The following DPYD variants were observed in gnomAD, a reference collection of about 807,000 sequenced individuals.
The protein encoded by DPYD is dihydropyrimidine dehydrogenase.
Under a neutral mutation model 116.2 loss-of-function variants are expected in DPYD, and 109 were observed. That is an observed-to-expected ratio of 0.94 (90% CI 0.80 to 1.10). The LOEUF is 1.10. Ranked by LOEUF, DPYD falls within the 50% of genes least tolerant of loss-of-function variation. The pLI, the probability that DPYD is intolerant of heterozygous loss-of-function variation, is 0.00. For synonymous variants in DPYD, 440 were observed against 432.0 expected, an observed-to-expected ratio of 1.02 and a Z score of -0.23; for missense variants, 1,302 against 1,254.5, an observed-to-expected ratio of 1.04 and a Z score of -0.57.
chr1:97,229,827 T>A (rs1361223036), intron 19 of DPYD, among the ~76,000 whole-genome samples: 1 of 152,040 alleles, frequency 6.6e-6, no homozygotes, highest in Non-Finnish European at 1.5e-5. Context: ...TTTAACAAAA[T>A]CATTTGGGAA....
intron 20 of DPYD, among the ~76,000 whole-genome samples, chr1:97,099,464 C>T (rs1362766845): frequency 2.0e-5 from 3 of 152,050 alleles, no homozygotes; most frequent in Admixed American, 1.3e-4. Flanking sequence ...CATTCATTAT[C>T]CCACAATTAT....
At chr1:97,521,266 A>G (rs1159691464) in intron 12 of DPYD, among the ~76,000 whole-genome samples, 1 of 152,182 alleles carries the variant, frequency 6.6e-6, no homozygotes, top group East Asian at 1.9e-4. Context: ...TGGCTGCACA[A>G]ATGTCTTCAA....
chr1:97,441,403 C>CGT (rs1319951269), intron 14 of DPYD, among the ~76,000 whole-genome samples: 2 of 151,692 alleles, frequency 1.3e-5, no homozygotes, highest in South Asian at 2.1e-4. Context: ...TCTCTGTTTG[C>CGT]GTGTGTGTGT....
intron 11 of DPYD, among the ~76,000 whole-genome samples, chr1:97,565,044 G>A (rs2811217): frequency 0.025 from 3,841 of 152,046 alleles, 164 homozygotes; most frequent in African/African-American, 0.087. Context: ...AATCCACCCT[G>A]GTCAAACCTA....
At chr1:97,640,132 CAA>C (rs1244029386) in intron 8 of DPYD, among the ~76,000 whole-genome samples, 2 of 152,066 alleles carry the variant, frequency 1.3e-5, no homozygotes, top group African/African-American at 4.8e-5. Context: ...CTAATGAAGT[CAA>C]GTTACGTAGT....
At chr1:97,387,076 C>T (rs1313857198) in intron 14 of DPYD, among the ~76,000 whole-genome samples, 1 of 152,030 alleles carries the variant, frequency 6.6e-6, no homozygotes, top group Non-Finnish European at 1.5e-5. Flanking sequence ...CAACATTTTT[C>T]TATATCAATA....
intron 8 of DPYD, among the ~76,000 whole-genome samples, chr1:97,668,491 T>G (rs897675818): frequency 6.6e-6 from 1 of 152,108 alleles, no homozygotes; most frequent in East Asian, 1.9e-4. Context: ...AAGTTCTTAT[T>G]TTTAAAATGC....
At chr1:97,548,889 T>C (rs1312305474) in intron 12 of DPYD, among the ~76,000 whole-genome samples, 1 of 152,142 alleles carries the variant, frequency 6.6e-6, no homozygotes, top group Non-Finnish European at 1.5e-5. Context: ...AAACCATCTT[T>C]TGGAGTATGT....
intron 1 of DPYD, among the ~76,000 whole-genome samples, chr1:97,896,358 T>G (rs1305446766): frequency 6.6e-6 from 1 of 151,788 alleles, no homozygotes; most frequent in African/African-American, 2.4e-5. Flanking sequence ...AAGAGAAACA[T>G]TCAGCTACCC....
chr1:97,525,929 C>T (rs1284725531), intron 12 of DPYD, among the ~76,000 whole-genome samples: 3 of 144,398 alleles, frequency 2.1e-5, no homozygotes, highest in Non-Finnish European at 4.5e-5. Flanking sequence ...GCCAGTCTCT[C>T]CAAGAGCTAT....
intron 20 of DPYD, among the ~76,000 whole-genome samples, chr1:97,112,229 C>T (rs1401486008): frequency 2.0e-5 from 3 of 152,026 alleles, no homozygotes; most frequent in Non-Finnish European, 4.4e-5. Context: ...CATTTCCCAT[C>T]CCTTCAGCAA....
At position 97,666,716 on chromosome 1, in the gene DPYD, C is replaced by A. The variant is rs548983443; in HGVS notation, c.850+12379G>T. ...AAGGAGTGAGAAGCAAGGTTGGTTTCTCACCATGGGGGGTTTCACAAAAAT... is the reference window on the plus strand; with the variant it reads ...AAGGAGTGAGAAGCAAGGTTGGTTTATCACCATGGGGGGTTTCACAAAAAT... On this transcript the variant is annotated intron_variant, in intron 8 of 22. Transcript: ENST00000370192. Among the ~76,000 whole-genome samples the A allele has an allele frequency of 4.5e-3, 689 of 152,218 alleles. 5 individuals are homozygous for A. Among genetic ancestry groups the A allele is most frequent in the African/African-American group, 0.016 (662 of 41,526 alleles).
chr1:97,287,691 C>T (rs1665808515), intron 18 of DPYD, among the ~76,000 whole-genome samples: 2 of 152,134 alleles, frequency 1.3e-5, no homozygotes, highest in African/African-American at 4.8e-5. Context: ...GACTGCTGTG[C>T]TAGCCATCAG....
rs528565414 is a variant in DPYD at position 97,756,410 on chromosome 1, T to C, written c.234-15931A>G. ...TCAAGGGAAGATCTCTGATGGAAGT[T>C]TGATTTTTGCCTCGTTTATTCCTCA... On this transcript the variant is annotated intron_variant, in intron 3 of 22. Coordinates refer to ENST00000370192, the MANE Select transcript of DPYD (RefSeq NM_000110.4). Among the ~76,000 whole-genome samples the C allele has an allele frequency of 7.2e-4, 109 of 152,290 alleles. 1 individual carries two copies. Among genetic ancestry groups the C allele is most frequent in the African/African-American group, 2.5e-3 (103 of 41,564 alleles).
chr1:97,333,892 G>C (rs192199856), intron 16 of DPYD, among the ~76,000 whole-genome samples: 1 of 152,074 alleles, frequency 6.6e-6, no homozygotes, highest in Non-Finnish European at 1.5e-5. Flanking sequence ...AAATTTGATG[G>C]TGACTCAGAC....
At chr1:97,393,742 C>T (rs571694831) in intron 14 of DPYD, among the ~76,000 whole-genome samples, 25 of 152,198 alleles carry the variant, frequency 1.6e-4, no homozygotes, top group African/African-American at 5.5e-4. Flanking sequence ...AATAGTGCCA[C>T]AATAAACATA....
intron 12 of DPYD, among the ~76,000 whole-genome samples, chr1:97,540,511 T>C (rs966979153): frequency 6.6e-6 from 1 of 152,126 alleles, no homozygotes; most frequent in Admixed American, 6.5e-5. Context: ...GAAGCTTCTG[T>C]CCCTGTGGAG....
intron 20 of DPYD, among the ~76,000 whole-genome samples, chr1:97,144,708 A>G (rs1654484313): frequency 6.6e-6 from 1 of 152,240 alleles, no homozygotes; most frequent in Non-Finnish European, 1.5e-5. Context: ...TGAAACACCA[A>G]CTATTCAGAG....
At chr1:97,534,555 T>C (rs1452636523) in intron 12 of DPYD, among the ~76,000 whole-genome samples, 1 of 152,124 alleles carries the variant, frequency 6.6e-6, no homozygotes, top group East Asian at 1.9e-4. Context: ...AGGCATTACA[T>C]TTTTTTCTTT....
Sources: gnomAD v4.1 joint callset for allele counts (sites outside exome capture counted in the v4.1 genomes callset) on GRCh38, gnomAD v4.1.1 for gene constraint, MANE v1.5 for transcripts, NCBI Gene and HGNC (gene_info 2026-07-23, HGNC 2026-07-21) for gene names.